The following FBLN2 variants were observed in gnomAD, a reference collection of about 807,000 sequenced individuals.
FBLN2 encodes the protein fibulin-2.
A neutral mutation model predicts 123.7 loss-of-function variants in FBLN2; 81 were observed. The ratio of observed to expected loss-of-function variants is 0.65; its 90% CI spans 0.55 to 0.79. The LOEUF (loss-of-function observed/expected upper bound fraction) is 0.79. FBLN2 is among the 30% of genes least tolerant of loss of function. The pLI is 0.00. For synonymous variants in FBLN2, 699 were observed against 701.4 expected, an observed-to-expected ratio of 1.00 and a Z score of 0.05; for missense variants, 1,603 against 1,681.3, an observed-to-expected ratio of 0.95 and a Z score of 0.81.
chr3:13,608,455 A>G (rs1705281050), intron 3 of FBLN2, among the ~76,000 whole-genome samples: 1 of 152,230 alleles, frequency 6.6e-6, no homozygotes, highest in Non-Finnish European at 1.5e-5. Context: ...GTTTTAAAGG[A>G]GTGCTGTCCC....
At chr3:13,621,704 C>A in intron 8 of FBLN2, 71 bp from the exon 9 acceptor site, 2 of 1,552,176 alleles carry the variant, frequency 1.3e-6, no homozygotes, top group South Asian at 1.2e-5. Context: ...ATTCTCCTGT[C>A]ACTGGATGCT....
At chr3:13,621,432 C>T (rs951164904) in intron 8 of FBLN2, among the ~76,000 whole-genome samples, 3 of 152,114 alleles carry the variant, frequency 2.0e-5, no homozygotes, top group Non-Finnish European at 4.4e-5. Context: ...CCCCTAAGTA[C>T]TGGACTTTGC....
In FBLN2 at chr3:13,618,049, T is replaced by C. The variant is rs1574988337; in HGVS notation, c.1730-27T>C. The stretch of plus-strand genomic sequence containing the variant: ...CCACCTACTCTGACCAAGCTGGCTC[T>C]GTCTTGAGCTCTAACCCCTGTCCTA... On this transcript the variant is annotated intron_variant, in intron 5 of 17. Transcript: ENST00000404922. 3.7e-6 allele frequency: 6 copies of C among 1,608,740 alleles called. No individual in the cohort carries two copies. In the East Asian group the frequency reaches 1.3e-4, roughly 36 times the overall value.
chr3:13,609,382 G>A (rs1218939509), intron 3 of FBLN2, 131 bp from the exon 4 acceptor site: 7 of 1,047,210 alleles, frequency 6.7e-6, no homozygotes, highest in South Asian at 3.8e-5. Flanking sequence ...AGGTTGTGCC[G>A]GCTCTGCCAC....
intron 1 of FBLN2, among the ~76,000 whole-genome samples, chr3:13,553,947 C>A (rs995243712): frequency 1.3e-5 from 2 of 152,246 alleles, no homozygotes; most frequent in Non-Finnish European, 1.5e-5. Flanking sequence ...CCAGGAAGAG[C>A]CTTGAAACAG....
At chr3:13,609,693 A>AT in intron 4 of FBLN2, 51 bp downstream of exon 4, 1 of 1,484,434 alleles carries the variant, frequency 6.7e-7, no homozygotes, top group Non-Finnish European at 9.1e-7. Context: ...GCGGGGCGGG[A>AT]GGCTGGCCTG....
chr3:13,584,373 G>A (rs552312477), intron 2 of FBLN2, among the ~76,000 whole-genome samples: 1 of 152,272 alleles, frequency 6.6e-6, no homozygotes, highest in South Asian at 2.1e-4. Flanking sequence ...GAGGATGGGG[G>A]CCCAGGAGCC....
chr3:13,558,201 C>T (rs1574941542), intron 1 of FBLN2, among the ~76,000 whole-genome samples: 1 of 152,186 alleles, frequency 6.6e-6, no homozygotes, highest in Non-Finnish European at 1.5e-5. Flanking sequence ...CTGCCGTAGG[C>T]CGGCCCCGCC....
chr3:13,572,164 C>A (rs1220342108), intron 2 of FBLN2, among the ~76,000 whole-genome samples: 1 of 152,230 alleles, frequency 6.6e-6, no homozygotes, highest in African/African-American at 2.4e-5. Flanking sequence ...TAAGTGTCTG[C>A]AGCAAATCCT....
At chr3:13,568,621 C>T (rs536569681) in intron 1 of FBLN2, 6 of 249,384 alleles carry the variant, frequency 2.4e-5, no homozygotes, top group African/African-American at 6.9e-5. Context: ...GCTGCTGGTC[C>T]GGCCTCAGCC....
Position 13,610,447 on chromosome 3 carries a change from G to A in FBLN2, c.1548+805G>A, listed in dbSNP as rs539704770. Reference sequence around the variant, plus strand: ...AACCCCACCAGGCAACAGTGGTGCAGAGAACAGTGTGAACTAACACACAGG... The same window carrying A: ...AACCCCACCAGGCAACAGTGGTGCAAAGAACAGTGTGAACTAACACACAGG... On this transcript the variant is annotated intron_variant, in intron 4 of 17. Coordinates refer to ENST00000404922, the MANE Select transcript of FBLN2 (RefSeq NM_001004019.2). Among the ~76,000 whole-genome samples the A allele has an allele frequency of 5.9e-5, 9 of 152,332 alleles. 1 individual carries two copies. The highest frequency in any genetic ancestry group is 6.8e-3 in the Middle Eastern group (2 of 294).
At chr3:13,607,884 C>T (rs769211838) in intron 2 of FBLN2, among the ~76,000 whole-genome samples, 178 bp from the exon 3 acceptor site, 3 of 152,166 alleles carry the variant, frequency 2.0e-5, no homozygotes, top group Non-Finnish European at 4.4e-5. Context: ...GGGAGGACTC[C>T]ACCTCGCAGA....
At chr3:13,566,823 A>C (rs192605579) in intron 1 of FBLN2, among the ~76,000 whole-genome samples, 1 of 152,170 alleles carries the variant, frequency 6.6e-6, no homozygotes, top group Non-Finnish European at 1.5e-5. Context: ...CTGGTAACCA[A>C]TTTAAAATGA....
Position 13,609,480 on chromosome 3 carries a change from C to T in FBLN2, c.1419-33C>T, listed in dbSNP as rs754956971. On this transcript the variant is annotated intron_variant, in intron 3 of 17. Coordinates refer to ENST00000404922, the MANE Select transcript of FBLN2 (RefSeq NM_001004019.2). The stretch of plus-strand genomic sequence containing the variant: ...TTCCACTCTGGGAGGATGAGGTGGG[C>T]GACTGGGGGCTAAGTTACCCCCTCT... The T allele has an allele frequency of 2.4e-4, 361 of 1,517,696 alleles. 1 individual carries two copies. Among genetic ancestry groups the T allele is most frequent in the Non-Finnish European group, 2.9e-4 (331 of 1,130,750 alleles). 94.0% of individuals were successfully genotyped at this position (1,517,696 alleles called of 1,614,324 possible). A position where few individuals can be genotyped will look rare whatever the true frequency, so the allele number is the denominator to read the frequency against.
intron 2 of FBLN2, among the ~76,000 whole-genome samples, chr3:13,604,877 A>G (rs1423655097): frequency 6.6e-6 from 1 of 152,212 alleles, no homozygotes; most frequent in Non-Finnish European, 1.5e-5. Context: ...GCAGCCGATG[A>G]CCCTCAGTGA....
At chr3:13,563,725 C>G (rs1703670672) in intron 1 of FBLN2, among the ~76,000 whole-genome samples, 1 of 152,244 alleles carries the variant, frequency 6.6e-6, no homozygotes, top group South Asian at 2.1e-4. Flanking sequence ...ATGCAGCTGA[C>G]CTACTGAGGC....
intron 2 of FBLN2, among the ~76,000 whole-genome samples, chr3:13,597,342 A>G (rs912988767): frequency 6.6e-6 from 1 of 152,232 alleles, no homozygotes. Context: ...GGAAGTGTCC[A>G]CATGGGCAGC....
chr3:13,570,519 G>A lies in FBLN2; in HGVS notation c.164G>A (p.Cys55Tyr). The change falls in exon 2 of 18, where the codon TGT becomes TAT. Residue 55 changes from cysteine (C) to tyrosine (Y), a missense_variant. Coordinates refer to ENST00000404922, the MANE Select transcript of FBLN2 (RefSeq NM_001004019.2). ...GAGGCGCTGGAGCCGGGTGCCTGCTGTGCCACGTGTGTGCAGCAGGGCTGC... is the reference window on the plus strand; with the variant it reads ...GAGGCGCTGGAGCCGGGTGCCTGCTATGCCACGTGTGTGCAGCAGGGCTGC... ...IEEALEPGAC[C>Y]ATCVQQGCAC... is the part of the protein sequence containing the mutation. 1 of 1,589,998 alleles carries A rather than the reference G, an allele frequency of 6.3e-7. No individual in the cohort carries two copies. The highest frequency in any genetic ancestry group is 1.3e-5 in the African/African-American group (1 of 74,652).
intron 2 of FBLN2, among the ~76,000 whole-genome samples, chr3:13,576,678 A>C (rs1704153444): frequency 6.6e-6 from 1 of 151,164 alleles, no homozygotes; most frequent in Non-Finnish European, 1.5e-5. Flanking sequence ...CAGGAGAACT[A>C]GGGTGAGGAG....
Sources: allele counts gnomAD v4.1 joint callset (sites outside exome capture counted in the v4.1 genomes callset), GRCh38; gene constraint gnomAD v4.1.1; transcripts MANE v1.5; gene names NCBI Gene and HGNC (gene_info 2026-07-23, HGNC 2026-07-21).